EED: variants seen among roughly 807,000 people sequenced by gnomAD.
EED encodes the protein embryonic ectoderm development, also known as polycomb protein EED.
EED carries 9 observed loss-of-function variants against 61.0 expected under a neutral mutation model. The ratio of observed to expected loss-of-function variants is 0.15; its 90% confidence interval spans 0.09 to 0.26. EED has a LOEUF of 0.26. Ranked by LOEUF, EED falls within the 10% of genes least tolerant of loss-of-function variation. EED has a pLI of 1.00. For missense variants in EED, 315 were observed against 542.3 expected (o/e 0.58, Z 4.16); for synonymous variants, 187 against 174.4 (o/e 1.07, Z -0.57).
At chr11:86,272,195 C>T (rs61505561) in intron 9 of EED, among the ~76,000 whole-genome samples, 1 of 146,582 alleles carries the variant, frequency 6.8e-6, no homozygotes, top group South Asian at 2.2e-4. Context: ...GTAGCTGGGA[C>T]TACAGGAGCC....
Position 86,277,019 on chromosome 11 carries a change from A to G in EED, c.1006A>G (p.Met336Val). Residue 336 changes from methionine to valine, a missense_variant, in exon 10 of 12, where the codon ATG becomes GTG. Met to Val is a conservative substitution (Grantham distance 21). Around this residue, in one of 2 missense-constraint regions of EED, gnomAD observed 205 missense variants for 455.4 expected, o/e 0.45. Coordinates refer to ENST00000263360, the MANE Select transcript of EED (RefSeq NM_003797.5). ...CATTGTGTGCTGGAAACCTGGCAAG[A>G]TGGAAGATGATATAGATAAAATTAA... is the stretch of plus-strand genomic sequence containing the variant. ...NAIVCWKPGK[M>V]EDDIDKIKPS... 6.5e-7 allele frequency: 1 copy of G among 1,539,498 alleles called. No individual in the cohort carries two copies. Among genetic ancestry groups the G allele is most frequent in the Non-Finnish European group, 8.8e-7 (1 of 1,132,012 alleles).
chr11:86,276,381 T>A (rs574780161), intron 9 of EED: 4 of 152,364 alleles, frequency 2.6e-5, no homozygotes, highest in Admixed American at 2.6e-4. Flanking sequence ...CTGCTTTACT[T>A]GCCTTCGATT....
In EED at chr11:86,245,110, G is replaced by A. The variant is rs1045393304; in HGVS notation, c.-120G>A. ...GGGCGCGATTTGCGACAGTGGGGGG[G>A]GCGGTGGAGGTGGCGGCGGCAGCGG... On this transcript the variant is annotated 5_prime_UTR_variant, in exon 1 of 12. Coordinates refer to ENST00000263360, the MANE Select transcript of EED (RefSeq NM_003797.5). The A allele has an allele frequency of 3.2e-5, 22 of 694,042 alleles. No homozygotes were observed. Among genetic ancestry groups the A allele is most frequent in the African/African-American group, 3.0e-4 (16 of 52,582 alleles). The allele number at this position is 694,042 out of a possible 1,614,324, so 43.0% of individuals were successfully genotyped here.
chr11:86,257,790 A>C (rs1463178796), intron 6 of EED, among the ~76,000 whole-genome samples, 194 bp downstream of exon 6: 2 of 152,210 alleles, frequency 1.3e-5, no homozygotes, highest in African/African-American at 4.8e-5. Context: ...TTACACAGAA[A>C]ATACTGGCAG....
downstream of EED, among the ~76,000 whole-genome samples, chr11:86,282,104 T>G (rs530324200): frequency 5.9e-5 from 9 of 152,340 alleles, no homozygotes; most frequent in Non-Finnish European, 1.3e-4. Context: ...ACCAGATTGT[T>G]TCGAAGCACA....
At chr11:86,257,677 A>G in intron 6 of EED, 81 bp downstream of exon 6, 1 of 1,146,144 alleles carries the variant, frequency 8.7e-7, no homozygotes, top group South Asian at 1.5e-5. Flanking sequence ...AAACCCTGAC[A>G]AATAGGAAAA....
chr11:86,283,673 T>TA (rs1459570085), downstream of EED, among the ~76,000 whole-genome samples: 1 of 152,040 alleles, frequency 6.6e-6, no homozygotes, highest in Non-Finnish European at 1.5e-5. Context: ...TTTGTTGAAG[T>TA]AAAAAATTCA....
rs1945348984 is a variant in EED at position 86,245,020 on chromosome 11, G to A, written c.-210G>A. On this transcript the variant is annotated 5_prime_UTR_variant, in exon 1 of 12. Transcript: ENST00000263360. Reference sequence around the variant, plus strand: ...AAGGAGCCAGGAAGCCGCGCGGGAGGGCGCGCGCGCGCGCCCCTTTTTCAG... The same window carrying A: ...AAGGAGCCAGGAAGCCGCGCGGGAGAGCGCGCGCGCGCGCCCCTTTTTCAG... The A allele has an allele frequency of 4.3e-6, 2 of 469,244 alleles. No homozygotes were observed. The highest frequency in any genetic ancestry group is 2.1e-5 in the African/African-American group (1 of 48,042). 29.1% of individuals were successfully genotyped at this position (469,244 alleles called of 1,614,324 possible).
At chr11:86,247,743 A>G (rs1365531926) in intron 1 of EED, among the ~76,000 whole-genome samples, 1 of 152,262 alleles carries the variant, frequency 6.6e-6, no homozygotes, top group Non-Finnish European at 1.5e-5. Flanking sequence ...TTTAGAAAAG[A>G]TAAGGGCAAT....
chr11:86,254,010 T>C (rs928119700), intron 3 of EED, among the ~76,000 whole-genome samples: 1 of 125,584 alleles, frequency 8.0e-6, no homozygotes, highest in Non-Finnish European at 1.6e-5. Flanking sequence ...ATCATGCCAT[T>C]GCACTCCAGT....
chr11:86,266,256 C>T (rs750065638), intron 8 of EED, 40 bp downstream of exon 8: 3 of 1,523,608 alleles, frequency 2.0e-6, no homozygotes, highest in Non-Finnish European at 2.7e-6. Context: ...CTATGTTGTG[C>T]TATTGAATAT....
chr11:86,270,903 A>G (rs1946098128), intron 9 of EED, among the ~76,000 whole-genome samples: 1 of 152,194 alleles, frequency 6.6e-6, no homozygotes, highest in African/African-American at 2.4e-5. Flanking sequence ...TACTACATAC[A>G]CAGTCCTCAT....
chr11:86,252,999 T>C (rs1277815418), intron 3 of EED, among the ~76,000 whole-genome samples: 1 of 152,164 alleles, frequency 6.6e-6, no homozygotes, highest in Non-Finnish European at 1.5e-5. Flanking sequence ...CTACCTGCCT[T>C]GGCCTCCCAA....
At position 86,257,589 on chromosome 11, in the gene EED, A is replaced by G. The variant is rs1382985614; in HGVS notation, c.627A>G (p.Val209=). 6 of 1,608,398 alleles carry G rather than the reference A, an allele frequency of 3.7e-6. No individual in the cohort carries two copies. The highest frequency in any genetic ancestry group is 5.1e-6 in the Non-Finnish European group (6 of 1,177,232). The change falls in exon 6 of 12, where the codon GTA becomes GTG. Residue 209 remains valine (V), a synonymous_variant. Coordinates refer to ENST00000263360, the MANE Select transcript of EED (RefSeq NM_003797.5). The part of the protein sequence containing the change: ...HPRDPNLLLS[V]SKDHALRLWN... ...GAGATCCAAATCTTCTCCTGTCAGT[A>G]AGTAAAGGTAAGTGAAGCAAATGTT...
In EED at chr11:86,271,906, G is replaced by T. The variant is rs562356069; in HGVS notation, c.966+3345G>T. Among the ~76,000 whole-genome samples the T allele has an allele frequency of 6.2e-5, 9 of 145,496 alleles. No individual in the cohort carries two copies. The South Asian group carries it at 1.1e-3, about 18-fold the overall frequency. On this transcript the variant is annotated intron_variant, in intron 9 of 11. Coordinates refer to ENST00000263360, the MANE Select transcript of EED (RefSeq NM_003797.5). The stretch of plus-strand genomic sequence containing the variant: ...TGCTAATATTTTGTTAAGGATTTTT[G>T]TGTCTGTATTCGTGAGGTATGATAC...
chr11:86,251,040 C>CT (rs2138137359), intron 2 of EED, among the ~76,000 whole-genome samples: 1 of 151,972 alleles, frequency 6.6e-6, no homozygotes, highest in East Asian at 1.9e-4. Flanking sequence ...AAGATATTTT[C>CT]TTTTATATAT....
intron 6 of EED, among the ~76,000 whole-genome samples, chr11:86,258,311 TAA>T (rs1945728346): frequency 1.3e-5 from 2 of 152,334 alleles, no homozygotes; most frequent in South Asian, 2.1e-4. Flanking sequence ...TTTTGTTTTA[TAA>T]AGGATTTCCT....
chr11:86,251,199 A>T (rs1945522091), intron 2 of EED, among the ~76,000 whole-genome samples: 1 of 152,188 alleles, frequency 6.6e-6, no homozygotes, highest in Non-Finnish European at 1.5e-5. Context: ...AGAAGCTATG[A>T]CTATGACATT....
intron 1 of EED, among the ~76,000 whole-genome samples, chr11:86,246,487 C>T (rs1945395439): frequency 6.6e-6 from 1 of 152,142 alleles, no homozygotes; most frequent in Non-Finnish European, 1.5e-5. Flanking sequence ...ATAATGATGT[C>T]ATGACTAAGA....
Sources: allele counts gnomAD v4.1 joint callset (sites outside exome capture counted in the v4.1 genomes callset), GRCh38; gene constraint gnomAD v4.1.1; regional missense constraint gnomAD v4.1.1; transcripts MANE v1.5; gene names NCBI Gene and HGNC (gene_info 2026-07-23, HGNC 2026-07-21).